Variants in SLC24A3 observed in about 807,000 individuals in gnomAD.
The protein encoded by SLC24A3 is sodium/potassium/calcium exchanger 3.
A neutral mutation model predicts 75.8 loss-of-function variants in SLC24A3; 28 were observed. That is an observed-to-expected ratio of 0.37 (90% CI 0.27 to 0.51). SLC24A3 has a LOEUF of 0.51. Ranked by LOEUF, SLC24A3 falls within the 20% of genes least tolerant of loss-of-function variation. SLC24A3 has a pLI of 0.94. For synonymous variants in SLC24A3, 372 were observed against 334.1 expected (o/e 1.11, Z -1.24); for missense variants, 663 against 847.8 (o/e 0.78, Z 2.71).
intron 9 of SLC24A3, among the ~76,000 whole-genome samples, chr20:19,674,534 A>G (rs1028692993): frequency 1.3e-5 from 2 of 152,214 alleles, no homozygotes; most frequent in Non-Finnish European, 2.9e-5. Context: ...TTCAAGACAG[A>G]GAGCAAGAAG....
At chr20:19,292,780 A>G (rs1344800603) in intron 2 of SLC24A3, among the ~76,000 whole-genome samples, 1 of 152,232 alleles carries the variant, frequency 6.6e-6, no homozygotes, top group African/African-American at 2.4e-5. Flanking sequence ...AATGTCGTCT[A>G]AACGACAGAA....
At chr20:19,334,966 T>C (rs563276671) in intron 2 of SLC24A3, among the ~76,000 whole-genome samples, 1 of 152,304 alleles carries the variant, frequency 6.6e-6, no homozygotes, top group African/African-American at 2.4e-5. Context: ...ATGCAGGAGA[T>C]AGGCACAGAG....
chr20:19,299,929 T>C (rs1984156331), intron 2 of SLC24A3, among the ~76,000 whole-genome samples: 1 of 152,248 alleles, frequency 6.6e-6, no homozygotes, highest in African/African-American at 2.4e-5. Context: ...CCAGGAACGC[T>C]GTGGCCCTGG....
chr20:19,483,344 C>G, intron 2 of SLC24A3, among the ~76,000 whole-genome samples: 1 of 151,930 alleles, frequency 6.6e-6, no homozygotes, highest in East Asian at 1.9e-4. Flanking sequence ...GAAAAGGGAC[C>G]AAAGAAAGTT....
chr20:19,458,753 A>G lies in SLC24A3; in HGVS notation c.272-56735A>G, dbSNP rs531185048. Reference sequence around the variant, plus strand: ...CCACATTTTCTTTATCCCAGACTGTATTTTTCACAGTTGACTGAGCAGTCT... The same window carrying G: ...CCACATTTTCTTTATCCCAGACTGTGTTTTTCACAGTTGACTGAGCAGTCT... On this transcript the variant is annotated intron_variant, in intron 2 of 16. Transcript: ENST00000328041. Among the ~76,000 whole-genome samples the G allele has an allele frequency of 3.3e-5, 5 of 152,190 alleles. No homozygotes were observed. The South Asian group carries it at 1.0e-3, about 32-fold the overall frequency.
At chr20:19,496,949 T>C (rs1988298384) in intron 2 of SLC24A3, among the ~76,000 whole-genome samples, 1 of 152,208 alleles carries the variant, frequency 6.6e-6, no homozygotes, top group Non-Finnish European at 1.5e-5. Flanking sequence ...CTTTCTGTTG[T>C]AAGCTGAGCT....
At chr20:19,720,908 C>G in intron 16 of SLC24A3, 83 bp from the exon 17 acceptor site, 2 of 1,535,988 alleles carry the variant, frequency 1.3e-6, no homozygotes, top group South Asian at 2.5e-5. Context: ...AGCCCTTCCC[C>G]GGGTCCCCTG....
intron 6 of SLC24A3, among the ~76,000 whole-genome samples, chr20:19,652,420 A>C (rs1284028644): frequency 6.6e-6 from 1 of 152,218 alleles, no homozygotes; most frequent in Non-Finnish European, 1.5e-5. Context: ...ATTTAGTCCA[A>C]TTTAATCTAT....
At chr20:19,712,328 A>C (rs1047324494) in intron 15 of SLC24A3, among the ~76,000 whole-genome samples, 10 of 151,838 alleles carry the variant, frequency 6.6e-5, no homozygotes, top group Admixed American at 6.6e-4. Flanking sequence ...AGTGAGGAAA[A>C]ACTCACGAGC....
chr20:19,459,465 A>G (rs1600238087), intron 2 of SLC24A3, among the ~76,000 whole-genome samples: 1 of 152,284 alleles, frequency 6.6e-6, no homozygotes, highest in East Asian at 1.9e-4. Flanking sequence ...AAGGAACAGG[A>G]ACTTGGACAT....
Position 19,722,008 on chromosome 20 carries a change from T to G in SLC24A3, c.*868T>G, listed in dbSNP as rs1180134438. ...TTCAAGCAATAGTTCTAGCCTGCCT[T>G]GGACAAGGGGGCCCCAGTTAAACAA... is the stretch of plus-strand genomic sequence containing the variant. On this transcript the variant is annotated 3_prime_UTR_variant, in exon 17 of 17. Transcript: ENST00000328041. 1.3e-5 allele frequency: 2 copies of G among 152,610 alleles called. No individual in the cohort carries two copies. The highest frequency in any genetic ancestry group is 2.9e-5 in the Non-Finnish European group (2 of 68,048). The allele number at this position is 152,610 out of a possible 1,614,324, so 9.5% of individuals were successfully genotyped here. A position where few individuals can be genotyped will look rare whatever the true frequency, so the allele number is the denominator to read the frequency against.
At chr20:19,302,791 CTAG>C (rs1984225455) in intron 2 of SLC24A3, among the ~76,000 whole-genome samples, 1 of 152,138 alleles carries the variant, frequency 6.6e-6, no homozygotes, top group African/African-American at 2.4e-5. Context: ...TAACTGCTGT[CTAG>C]TATTCCACCT....
intron 3 of SLC24A3, among the ~76,000 whole-genome samples, chr20:19,528,498 C>T (rs1361556180): frequency 6.6e-6 from 1 of 152,280 alleles, no homozygotes. Context: ...ACTTGGAAAT[C>T]GCCAAGCACA....
At chr20:19,295,991 C>A (rs1316359022) in intron 2 of SLC24A3, among the ~76,000 whole-genome samples, 1 of 151,900 alleles carries the variant, frequency 6.6e-6, no homozygotes. Flanking sequence ...TGGTCCTGGG[C>A]TTTTTTTGGT....
chr20:19,233,758 A>C (rs1266483871), intron 1 of SLC24A3, among the ~76,000 whole-genome samples: 6 of 152,232 alleles, frequency 3.9e-5, no homozygotes, highest in Non-Finnish European at 8.8e-5. Flanking sequence ...CATGGCTCAC[A>C]AGAGTGAAGG....
intron 2 of SLC24A3, among the ~76,000 whole-genome samples, chr20:19,290,744 T>C (rs918567656): frequency 2.0e-5 from 3 of 152,122 alleles, no homozygotes; most frequent in African/African-American, 7.2e-5. Flanking sequence ...TCAAGCTGGC[T>C]CAGGGTAGAA....
intron 3 of SLC24A3, among the ~76,000 whole-genome samples, chr20:19,517,265 A>G (rs1185772892): frequency 6.6e-6 from 1 of 152,122 alleles, no homozygotes; most frequent in East Asian, 1.9e-4. Flanking sequence ...TGATGCTTTG[A>G]CATCTGAGAT....
chr20:19,585,675 T>G, intron 6 of SLC24A3, 131 bp downstream of exon 6: 3 of 819,392 alleles, frequency 3.7e-6, no homozygotes, highest in Non-Finnish European at 5.9e-6. Context: ...CAGCAGTGAT[T>G]TGGGACCTCA....
chr20:19,328,892 G>A (rs908757525), intron 2 of SLC24A3, among the ~76,000 whole-genome samples: 3 of 152,238 alleles, frequency 2.0e-5, no homozygotes, highest in African/African-American at 7.2e-5. Context: ...AGGACTAAGA[G>A]CCCAGCCCAG....
Sources: gnomAD v4.1 joint callset for allele counts (sites outside exome capture counted in the v4.1 genomes callset) on GRCh38, gnomAD v4.1.1 for gene constraint, MANE v1.5 for transcripts, NCBI Gene and HGNC (gene_info 2026-07-23, HGNC 2026-07-21) for gene names.